PAPOLG: variants seen among roughly 807,000 people sequenced by gnomAD.
PAPOLG encodes poly(A) polymerase gamma.
Under a neutral mutation model 99.0 loss-of-function variants are expected in PAPOLG, and 40 were observed. The observed-to-expected ratio is 0.40, with a 90% confidence interval of 0.31 to 0.53. PAPOLG has a LOEUF of 0.53. PAPOLG is among the 20% of genes least tolerant of loss of function. The pLI, the probability that PAPOLG is intolerant of heterozygous loss-of-function variation, is 0.41. For synonymous variants in PAPOLG, 310 were observed against 299.3 expected (o/e 1.04, Z -0.37); for missense variants, 675 against 884.1 (o/e 0.76, Z 3.00).
chr2:60,767,291 G>A (rs914266236), intron 3 of PAPOLG, among the ~76,000 whole-genome samples: 2 of 151,940 alleles, frequency 1.3e-5, no homozygotes, highest in African/African-American at 4.8e-5. Context: ...TATCTGATGG[G>A]CTTTTGGAAC....
At chr2:60,773,286 C>G (rs976482752) in intron 7 of PAPOLG, among the ~76,000 whole-genome samples, 38 of 152,190 alleles carry the variant, frequency 2.5e-4, no homozygotes, top group Non-Finnish European at 1.3e-4. Context: ...TCAAAAGATC[C>G]TTTATACCCA....
intron 5 of PAPOLG, 79 bp from the exon 6 acceptor site, chr2:60,770,379 G>C (rs541557422): frequency 4.1e-6 from 5 of 1,218,584 alleles, no homozygotes; most frequent in Admixed American, 6.0e-5. Context: ...CGGGAGTAAA[G>C]ATATTCACAT....
intron 1 of PAPOLG, among the ~76,000 whole-genome samples, chr2:60,758,232 A>G (rs1260188615): frequency 2.0e-5 from 3 of 152,158 alleles, no homozygotes; most frequent in Non-Finnish European, 4.4e-5. Flanking sequence ...AAATCTTTAA[A>G]AAGAAATTAC....
intron 3 of PAPOLG, 135 bp from the exon 4 acceptor site, chr2:60,768,335 C>G (rs1573225264): frequency 1.3e-6 from 1 of 763,852 alleles, no homozygotes; most frequent in East Asian, 2.9e-5. Context: ...CTCCTGACCT[C>G]AGGTGATCCA....
At chr2:60,785,148 T>A (rs1370259358) in intron 13 of PAPOLG, among the ~76,000 whole-genome samples, 1 of 151,436 alleles carries the variant, frequency 6.6e-6, no homozygotes, top group Non-Finnish European at 1.5e-5. Flanking sequence ...TGTTTTTTGT[T>A]TTTTTTTTGA....
chr2:60,790,634 T>TA (rs1178061548), intron 15 of PAPOLG, among the ~76,000 whole-genome samples: 2 of 152,226 alleles, frequency 1.3e-5, no homozygotes, highest in African/African-American at 4.8e-5. Flanking sequence ...GGCAAGGTAT[T>TA]CAGAGCTGTT....
At chr2:60,759,225 G>A (rs1476833537) in intron 1 of PAPOLG, among the ~76,000 whole-genome samples, 2 of 152,112 alleles carry the variant, frequency 1.3e-5, no homozygotes, top group Non-Finnish European at 2.9e-5. Flanking sequence ...AAAAGTAGCT[G>A]GGTGTGGTGG....
chr2:60,796,840 T>C (rs1671721497), intron 21 of PAPOLG, among the ~76,000 whole-genome samples: 1 of 152,126 alleles, frequency 6.6e-6, no homozygotes, highest in African/African-American at 2.4e-5. Context: ...CCCTTTCTCT[T>C]ATCCCTCTGC....
chr2:60,784,162 G>A (rs562670667), intron 13 of PAPOLG, among the ~76,000 whole-genome samples: 35 of 152,110 alleles, frequency 2.3e-4, no homozygotes, highest in African/African-American at 7.5e-4. Context: ...TAGTAGAGAC[G>A]GGGTTTCACC....
chr2:60,781,967 C>T lies in PAPOLG; in HGVS notation c.989C>T (p.Thr330Ile). 1.2e-6 allele frequency: 2 copies of T among 1,613,942 alleles called. No individual in the cohort carries two copies. Among genetic ancestry groups the T allele is most frequent in the South Asian group, 1.1e-5 (1 of 91,078 alleles). Residue 330 changes from threonine (T) to isoleucine (I), a missense_variant, in exon 11 of 22, where the codon ACA becomes ATA. Coordinates refer to ENST00000238714, the MANE Select transcript of PAPOLG (RefSeq NM_022894.4). ...CAGAATTCTACGTATAATGTGTCCACATCAACTCGAACAGTAATGGTAGAA... is the reference window on the plus strand; with the variant it reads ...CAGAATTCTACGTATAATGTGTCCATATCAACTCGAACAGTAATGGTAGAA... Reference protein sequence around the residue: ...PQQNSTYNVSTSTRTVMVEEF... With the variant: ...PQQNSTYNVSISTRTVMVEEF...
intron 8 of PAPOLG, among the ~76,000 whole-genome samples, chr2:60,776,229 G>C (rs1219775444): frequency 6.6e-6 from 1 of 152,032 alleles, no homozygotes; most frequent in Non-Finnish European, 1.5e-5. Context: ...GTCCTACTTA[G>C]AAAGGAATCT....
rs1670335696 is a variant in PAPOLG, at chr2:60,756,299, T to C, written c.-180T>C. On this transcript the variant is annotated 5_prime_UTR_variant, in exon 1 of 22. Transcript: ENST00000238714. ...GTCGGCCGCGCTGTATTGTCATAAA[T>C]AGAGCCGGTTTTGTGGTGTTTTCAC... The C allele has an allele frequency of 2.7e-6, 2 of 735,940 alleles. No homozygotes were observed. The highest frequency in any genetic ancestry group is 1.6e-5 in the South Asian group (1 of 62,120). The allele number at this position is 735,940 out of a possible 1,614,324, so 45.6% of individuals were successfully genotyped here.
intron 1 of PAPOLG, 38 bp from the exon 2 acceptor site, chr2:60,760,096 T>G: frequency 1.9e-6 from 3 of 1,591,654 alleles, no homozygotes; most frequent in Non-Finnish European, 2.6e-6. Context: ...GTATATACTT[T>G]AAATTTTTTG....
At chr2:60,770,560 G>T (rs760465763) in intron 6 of PAPOLG, 49 bp downstream of exon 6, 1 of 1,230,186 alleles carries the variant, frequency 8.1e-7, no homozygotes, top group Non-Finnish European at 1.1e-6. Flanking sequence ...GTTTAAACTT[G>T]TAAGTTTGTT....
chr2:60,759,189 G>A (rs1401885427), intron 1 of PAPOLG, among the ~76,000 whole-genome samples: 4 of 152,092 alleles, frequency 2.6e-5, no homozygotes, highest in African/African-American at 9.7e-5. Context: ...GCAACATGGC[G>A]AAACTCCGTC....
At chr2:60,773,713 A>C (rs982494686) in intron 7 of PAPOLG, among the ~76,000 whole-genome samples, 4 of 151,896 alleles carry the variant, frequency 2.6e-5, no homozygotes, top group Non-Finnish European at 4.4e-5. Context: ...AAAAAAAAAA[A>C]CCAGCAGTCA....
In PAPOLG at chr2:60,793,636, T is replaced by C. The variant is rs772675205; in HGVS notation, c.1689T>C (p.Ala563=). ...PSVGETERNS[A]EPAAVIVEKP... ...TTAACACTTTCATTAGGAATAGTGCTGAGCCTGCTGCTGTAATTGTGGAGA... is the reference window on the plus strand; with the variant it reads ...TTAACACTTTCATTAGGAATAGTGCCGAGCCTGCTGCTGTAATTGTGGAGA... The change falls in exon 18 of 22, where the codon GCT becomes GCC. Residue 563 remains alanine, a synonymous_variant. Transcript: ENST00000238714. 6.2e-7 allele frequency: 1 copy of C among 1,613,856 alleles called. No homozygotes were observed. Among genetic ancestry groups the C allele is most frequent in the Admixed American group, 1.7e-5 (1 of 60,028 alleles).
rs1282670659 is a variant in PAPOLG, at chr2:60,756,270, TGGC to T, written c.-207_-205del. On this transcript the variant is annotated 5_prime_UTR_variant, in exon 1 of 22. Coordinates refer to ENST00000238714, the MANE Select transcript of PAPOLG (RefSeq NM_022894.4). ...GGCAGGCTGGGAAGCGGCGCCATAT[TGGC>T]GTCGGCCGCGCTGTATTGTCATAAA... 2 of 627,798 alleles carry T rather than the reference TGGC, an allele frequency of 3.2e-6. No homozygotes were observed. Among genetic ancestry groups the T allele is most frequent in the African/African-American group, 3.8e-5 (2 of 52,320 alleles). The allele number at this position is 627,798 out of a possible 1,614,324, so 38.9% of individuals were successfully genotyped here.
rs1000215106 is a variant in PAPOLG, at chr2:60,800,856, A to AT, written c.*3700dup. ...AATATTATATAATTTTCTACTTTTG[A>AT]TTTTGCTGTGGTATATTTCTGAAAA... On this transcript the variant is annotated 3_prime_UTR_variant, in exon 22 of 22. Coordinates refer to ENST00000238714, the MANE Select transcript of PAPOLG (RefSeq NM_022894.4). 1.3e-5 allele frequency: 2 copies of AT among 152,280 alleles called. No individual in the cohort carries two copies. Among genetic ancestry groups the AT allele is most frequent in the Non-Finnish European group, 2.9e-5 (2 of 68,022 alleles). 9.4% of individuals were successfully genotyped at this position (152,280 alleles called of 1,614,324 possible).
Sources: allele counts gnomAD v4.1 joint callset (sites outside exome capture counted in the v4.1 genomes callset), GRCh38; gene constraint gnomAD v4.1.1; transcripts MANE v1.5; gene names NCBI Gene and HGNC (gene_info 2026-07-23, HGNC 2026-07-21).